ADAMTS12: variants seen among roughly 807,000 people sequenced by gnomAD.
The protein encoded by ADAMTS12 is A disintegrin and metalloproteinase with thrombospondin motifs 12.
Under a neutral mutation model 167.8 loss-of-function variants are expected in ADAMTS12, and 118 were observed. That is an observed-to-expected ratio of 0.70 (90% confidence interval 0.61 to 0.82). ADAMTS12 has a LOEUF of 0.82. Among genes scored for constraint, ADAMTS12 ranks in the 40% least tolerant of loss-of-function variants. The pLI is 0.00. For synonymous variants in ADAMTS12, 704 were observed against 716.9 expected (o/e 0.98, Z 0.29); for missense variants, 1,916 against 1,998.8 (o/e 0.96, Z 0.79).
At chr5:33,865,520 G>C (rs1029115746) in intron 2 of ADAMTS12, among the ~76,000 whole-genome samples, 4 of 152,084 alleles carry the variant, frequency 2.6e-5, no homozygotes, top group African/African-American at 7.2e-5. Context: ...CATACTGAAG[G>C]GGGGGAAGTT....
intron 7 of ADAMTS12, among the ~76,000 whole-genome samples, chr5:33,650,768 G>C (rs775217161): frequency 1.3e-5 from 2 of 152,162 alleles, no homozygotes; most frequent in Non-Finnish European, 2.9e-5. Context: ...ACCCAAAGAC[G>C]TTTTCTGAGA....
chr5:33,680,199 T>G (rs988940198), intron 5 of ADAMTS12, among the ~76,000 whole-genome samples: 1 of 152,190 alleles, frequency 6.6e-6, no homozygotes, highest in Non-Finnish European at 1.5e-5. Flanking sequence ...TCTCTTTACA[T>G]TTGCAAAACC....
At chr5:33,588,865 T>G in intron 17 of ADAMTS12, 56 bp from the exon 18 acceptor site, 1 of 1,589,148 alleles carries the variant, frequency 6.3e-7, no homozygotes. Flanking sequence ...ATATGTTCCA[T>G]TCAACCACTG....
chr5:33,542,658 A>G (rs561177381), intron 22 of ADAMTS12, among the ~76,000 whole-genome samples: 1 of 152,310 alleles, frequency 6.6e-6, no homozygotes, highest in East Asian at 1.9e-4. Context: ...ATCACAACAA[A>G]CTGTCTCTCA....
chr5:33,877,173 T>C (rs1750260010), intron 2 of ADAMTS12, among the ~76,000 whole-genome samples: 1 of 152,240 alleles, frequency 6.6e-6, no homozygotes, highest in Admixed American at 6.5e-5. Context: ...AGTCAAAAAC[T>C]GTATTCACTT....
At chr5:33,616,326 A>G (rs922008893) in intron 14 of ADAMTS12, among the ~76,000 whole-genome samples, 7 of 151,930 alleles carry the variant, frequency 4.6e-5, no homozygotes, top group Admixed American at 1.3e-4. Context: ...AGCAGATTGG[A>G]CTCTGAAGCT....
At chr5:33,591,606 C>T (rs191580844) in intron 17 of ADAMTS12, among the ~76,000 whole-genome samples, 34 of 152,282 alleles carry the variant, frequency 2.2e-4, no homozygotes, top group African/African-American at 7.7e-4. Flanking sequence ...CATTATATCC[C>T]ATTCCTCCAG....
At chr5:33,629,199 T>C (rs1201620383) in intron 13 of ADAMTS12, among the ~76,000 whole-genome samples, 2 of 152,176 alleles carry the variant, frequency 1.3e-5, no homozygotes, top group Non-Finnish European at 2.9e-5. Context: ...TAAATACCTT[T>C]GCATTGAGAG....
chr5:33,646,952 C>A (rs4242081), intron 9 of ADAMTS12, among the ~76,000 whole-genome samples: 86,001 of 151,890 alleles, frequency 0.57, 24,988 homozygotes, highest in East Asian at 0.67. Context: ...AAATGAGATT[C>A]AAAAGTCAAT....
At chr5:33,868,932 T>C (rs144400818) in intron 2 of ADAMTS12, among the ~76,000 whole-genome samples, 6 of 152,310 alleles carry the variant, frequency 3.9e-5, no homozygotes, top group Admixed American at 2.0e-4. Flanking sequence ...TTGGAAAACT[T>C]GCAGCCCAGC....
chr5:33,806,331 A>G (rs981200382), intron 2 of ADAMTS12, among the ~76,000 whole-genome samples: 4 of 152,220 alleles, frequency 2.6e-5, no homozygotes, highest in African/African-American at 9.7e-5. Context: ...CCATACACAG[A>G]GATGTCATTA....
At chr5:33,572,634 C>T (rs1746444651) in intron 19 of ADAMTS12, among the ~76,000 whole-genome samples, 1 of 133,598 alleles carries the variant, frequency 7.5e-6, no homozygotes, top group African/African-American at 2.9e-5. Context: ...AAACCCACAG[C>T]CAATATCATA....
At chr5:33,693,051 AG>A (rs916868806) in intron 3 of ADAMTS12, among the ~76,000 whole-genome samples, 5 of 152,358 alleles carry the variant, frequency 3.3e-5, no homozygotes, top group East Asian at 1.9e-4. Context: ...CTGTCATCAA[AG>A]GGTCAGCAAG....
rs78048861 is a variant in ADAMTS12, at chr5:33,664,605, C to T, written c.916-2565G>A. On this transcript the variant is annotated intron_variant, in intron 5 of 23. Coordinates refer to ENST00000504830, the MANE Select transcript of ADAMTS12 (RefSeq NM_030955.4). ...GCAAATTAAAACTACAATATGATAT[C>T]GTCTCATACCTGTTAAAGTGGCTAC... 2.3e-3 allele frequency among the ~76,000 whole-genome samples: 354 copies of T among 152,206 alleles called. 3 individuals carry two copies. Among genetic ancestry groups the T allele is most frequent in the African/African-American group, 8.1e-3 (336 of 41,526 alleles).
At chr5:33,752,789 T>C (rs750491383) in intron 2 of ADAMTS12, among the ~76,000 whole-genome samples, 1 of 152,196 alleles carries the variant, frequency 6.6e-6, no homozygotes, top group Non-Finnish European at 1.5e-5. Flanking sequence ...CTCCCTGCTC[T>C]GCAGATGAGT....
At chr5:33,637,818 G>T (rs1472922383) in intron 11 of ADAMTS12, 72 bp from the exon 12 acceptor site, 1 of 1,506,872 alleles carries the variant, frequency 6.6e-7, no homozygotes, top group Non-Finnish European at 9.0e-7. Context: ...AACTCCTCTG[G>T]TATCTGGCCT....
chr5:33,573,098 C>T (rs554312952), intron 19 of ADAMTS12, among the ~76,000 whole-genome samples: 1 of 152,114 alleles, frequency 6.6e-6, no homozygotes, highest in Admixed American at 6.6e-5. Context: ...TGAAATAAAA[C>T]AGGATACAAA....
chr5:33,847,229 T>C (rs1748977350), intron 2 of ADAMTS12, among the ~76,000 whole-genome samples: 2 of 151,878 alleles, frequency 1.3e-5, no homozygotes, highest in African/African-American at 4.8e-5. Context: ...GATCTTCACG[T>C]ATCCACAAGC....
chr5:33,870,719 T>C (rs940918488), intron 2 of ADAMTS12, among the ~76,000 whole-genome samples: 3 of 152,134 alleles, frequency 2.0e-5, no homozygotes, highest in Non-Finnish European at 2.9e-5. Context: ...TGGGAGGTGA[T>C]TGCCTCATGG....
Sources: allele counts gnomAD v4.1 joint callset (sites outside exome capture counted in the v4.1 genomes callset), GRCh38; gene constraint gnomAD v4.1.1; transcripts MANE v1.5; gene names NCBI Gene and HGNC (gene_info 2026-07-23, HGNC 2026-07-21).